The following REXO1 variants were observed in gnomAD, a reference collection of about 807,000 sequenced individuals.
REXO1 encodes the protein REX1, RNA exonuclease 1 homolog.
In REXO1, 42 loss-of-function variants were observed where a neutral mutation model predicts 102.6. The ratio of observed to expected loss-of-function variants is 0.41; its 90% CI spans 0.32 to 0.53. The LOEUF (loss-of-function observed/expected upper bound fraction) is 0.53. REXO1 is among the 20% of genes least tolerant of loss of function. The pLI is 0.27. For synonymous variants in REXO1, 908 were observed against 779.1 expected (o/e 1.17, Z -2.76); for missense variants, 1,819 against 1,732.5 (o/e 1.05, Z -0.89).
rs1202066490 is a variant in REXO1, at chr19:1,815,747, G to A, written c.*319C>T. On this transcript the variant is annotated 3_prime_UTR_variant, in exon 16 of 16. Coordinates refer to ENST00000170168, the MANE Select transcript of REXO1 (RefSeq NM_020695.4). This position sits in a 1 kb window ranked among gnomAD's most constrained non-coding sequence, Gnocchi z 4.0. Reference sequence around the variant, plus strand: ...GAGCAGAGGTGCCGGCCACCACCCGGGAGGGAGGGCCTGGCAGGAGGGGCA... The same window carrying A: ...GAGCAGAGGTGCCGGCCACCACCCGAGAGGGAGGGCCTGGCAGGAGGGGCA... The A allele has an allele frequency of 1.4e-6, 2 of 1,419,936 alleles. No individual in the cohort carries two copies. Among genetic ancestry groups the A allele is most frequent in the Non-Finnish European group, 1.8e-6 (2 of 1,083,468 alleles). 88.0% of individuals were successfully genotyped at this position (1,419,936 alleles called of 1,614,324 possible).
rs2069497679 is a variant in REXO1 at position 1,820,405 on chromosome 19, A to G, written c.2395-10T>C. The G allele has an allele frequency of 6.2e-7, 1 of 1,612,062 alleles. No homozygotes were observed. The highest frequency in any genetic ancestry group is 8.5e-7 in the Non-Finnish European group (1 of 1,179,334). ...TGGGTTTCTTTAAACTCTAGAGGGAAGGCAAAAGCTGCCATGGGTGAGGGC... is the reference window on the plus strand; with the variant it reads ...TGGGTTTCTTTAAACTCTAGAGGGAGGGCAAAAGCTGCCATGGGTGAGGGC... On this transcript the variant is annotated splice_polypyrimidine_tract_variant and intron_variant, in intron 5 of 15. Coordinates refer to ENST00000170168, the MANE Select transcript of REXO1 (RefSeq NM_020695.4).
Position 1,826,007 on chromosome 19 carries a change from C to T in REXO1, c.1912-64G>A. 4.2e-6 allele frequency: 5 copies of T among 1,181,206 alleles called. No individual in the cohort carries two copies. The highest frequency in any genetic ancestry group is 6.3e-6 in the Non-Finnish European group (5 of 790,916). 73.2% of individuals were successfully genotyped at this position (1,181,206 alleles called of 1,614,324 possible). A position where few individuals can be genotyped will look rare whatever the true frequency, so the allele number is the denominator to read the frequency against. On this transcript the variant is annotated intron_variant, in intron 2 of 15. Transcript: ENST00000170168. The surrounding 1 kb of genome is among the most constrained non-coding windows in gnomAD (Gnocchi z 4.3). ...CGCTGCCAACACCAACACACCCCAA[C>T]CTCAAACTGCCCCCGGCAAGTGGGG...
At chr19:1,839,364 T>A (rs10417379) in intron 1 of REXO1, among the ~76,000 whole-genome samples, 236 of 152,078 alleles carry the variant, frequency 1.6e-3, no homozygotes, top group African/African-American at 5.2e-3. Flanking sequence ...GTGCTCCCCG[T>A]CAGGCACAGA....
intron 1 of REXO1, among the ~76,000 whole-genome samples, chr19:1,844,636 C>A (rs1255465508): frequency 6.6e-6 from 1 of 152,212 alleles, no homozygotes; most frequent in Non-Finnish European, 1.5e-5. Context: ...GGAGAGTCGC[C>A]TGGAGCCCCA....
chr19:1,844,254 G>A (rs1007535320), intron 1 of REXO1, among the ~76,000 whole-genome samples: 6 of 152,226 alleles, frequency 3.9e-5, no homozygotes, highest in Non-Finnish European at 7.3e-5. Context: ...GCCTCCCGGC[G>A]CTGGGCCTCA....
At chr19:1,825,764 C>G in intron 3 of REXO1, 75 bp downstream of exon 3, 2 of 1,106,780 alleles carry the variant, frequency 1.8e-6, no homozygotes, top group Non-Finnish European at 2.7e-6. Context: ...GCGTGAGCCA[C>G]CAAACCAGGC....
intron 1 of REXO1, among the ~76,000 whole-genome samples, chr19:1,831,408 G>A (rs1381255852): frequency 6.6e-6 from 1 of 152,190 alleles, no homozygotes; most frequent in East Asian, 1.9e-4. Flanking sequence ...CTTCCGTGCA[G>A]AGAAATGGCT....
At chr19:1,830,749 A>C (rs867125398) in intron 1 of REXO1, 4 of 224,968 alleles carry the variant, frequency 1.8e-5, no homozygotes, top group African/African-American at 9.5e-5. Flanking sequence ...CTTGCAGAGC[A>C]GTTTCGCAAC....
intron 1 of REXO1, among the ~76,000 whole-genome samples, chr19:1,844,075 C>T (rs1030592790): frequency 3.9e-5 from 6 of 152,224 alleles, no homozygotes; most frequent in Non-Finnish European, 7.3e-5. Context: ...TCACCGACAC[C>T]GGAGAGCCAG....
intron 1 of REXO1, among the ~76,000 whole-genome samples, chr19:1,839,074 G>T (rs1004886721): frequency 6.6e-6 from 1 of 151,994 alleles, no homozygotes. Flanking sequence ...TGGGCAACAC[G>T]GTGAAACTCT....
intron 1 of REXO1, among the ~76,000 whole-genome samples, chr19:1,843,324 C>A (rs542374402): frequency 6.6e-6 from 1 of 152,168 alleles, no homozygotes; most frequent in African/African-American, 2.4e-5. Context: ...ACCCCCCGCC[C>A]GGAGGGTCCC....
chr19:1,843,056 G>A (rs764598934), intron 1 of REXO1, among the ~76,000 whole-genome samples: 5 of 152,168 alleles, frequency 3.3e-5, no homozygotes, highest in Admixed American at 1.3e-4. Context: ...CAAGAGTCAC[G>A]GGGCAGCAGA....
chr19:1,818,696 A>G lies in REXO1; in HGVS notation c.2902+10T>C. The G allele has an allele frequency of 6.2e-7, 1 of 1,610,568 alleles. No individual in the cohort carries two copies. The highest frequency in any genetic ancestry group is 8.5e-7 in the Non-Finnish European group (1 of 1,179,618). On this transcript the variant is annotated intron_variant, in intron 9 of 15. Coordinates refer to ENST00000170168, the MANE Select transcript of REXO1 (RefSeq NM_020695.4). ...CTGCCCACCTAGGCCGTCGCAGGCCAGCGACTCACAGTCCTTGGGCCTCTT... is the reference window on the plus strand; with the variant it reads ...CTGCCCACCTAGGCCGTCGCAGGCCGGCGACTCACAGTCCTTGGGCCTCTT...
intron 1 of REXO1, among the ~76,000 whole-genome samples, chr19:1,837,035 G>A (rs372628138): frequency 6.6e-6 from 1 of 152,230 alleles, no homozygotes; most frequent in Admixed American, 6.5e-5. Context: ...CCATCTGGGC[G>A]GCCTGAGGCT....
intron 1 of REXO1, among the ~76,000 whole-genome samples, chr19:1,833,543 G>A (rs1194868162): frequency 1.3e-5 from 2 of 152,342 alleles, no homozygotes; most frequent in East Asian, 3.9e-4. Flanking sequence ...TGCGGGGAGG[G>A]ACAGCTGCCA....
At chr19:1,837,714 G>A (rs2070080862) in intron 1 of REXO1, among the ~76,000 whole-genome samples, 1 of 152,232 alleles carries the variant, frequency 6.6e-6, no homozygotes. Flanking sequence ...CCAGGGCTGC[G>A]ATCCGAGCCT....
Position 1,827,352 on chromosome 19 carries a change from C to G in REXO1, c.1437G>C (p.Leu479=). 6.5e-7 allele frequency: 1 copy of G among 1,549,052 alleles called. No individual in the cohort carries two copies. The change falls in exon 2 of 16, where the codon CTG becomes CTC. Residue 479 remains leucine (L), a synonymous_variant. Coordinates refer to ENST00000170168, the MANE Select transcript of REXO1 (RefSeq NM_020695.4). ...AGRGPPRPLQ[L]PDRKSTKAPS... is the part of the protein sequence containing the mutation. ...GGGCCTTGGTGCTCTTCCTGTCGGG[C>G]AGCTGGAGGGGGCGGGGTGGGCCTC...
chr19:1,830,867 C>G (rs1353618181), intron 1 of REXO1: 1 of 154,936 alleles, frequency 6.5e-6, no homozygotes, highest in Non-Finnish European at 1.5e-5. Flanking sequence ...GCAGCCTTCA[C>G]TGCAAAAACA....
At chr19:1,835,323 C>T (rs2070009304) in intron 1 of REXO1, among the ~76,000 whole-genome samples, 1 of 152,052 alleles carries the variant, frequency 6.6e-6, no homozygotes, top group African/African-American at 2.4e-5. Flanking sequence ...GCGGGAGGAT[C>T]ACCGAGGTCA....
Sources: gnomAD v4.1 joint callset for allele counts (sites outside exome capture counted in the v4.1 genomes callset) on GRCh38, gnomAD v4.1.1 for gene constraint, Gnocchi (gnomAD v3.1) non-coding constraint, MANE v1.5 for transcripts, NCBI Gene and HGNC (gene_info 2026-07-23, HGNC 2026-07-21) for gene names.